PDE4DIP: variants seen among roughly 807,000 people sequenced by gnomAD.
PDE4DIP encodes myomegalin.
In PDE4DIP, 59 loss-of-function variants were observed where a neutral mutation model predicts 221.4. The observed-to-expected ratio is 0.27, with a 90% CI of 0.22 to 0.33. The LOEUF is 0.33. Among genes scored for constraint, PDE4DIP ranks in the 10% least tolerant of loss-of-function variants. PDE4DIP has a pLI of 1.00. For missense variants in PDE4DIP, 1,036 were observed against 2,154.2 expected, an observed-to-expected ratio of 0.48 and a Z score of 10.28; for synonymous variants, 404 against 815.9, an observed-to-expected ratio of 0.50 and a Z score of 8.60.
intron 19 of PDE4DIP, among the ~76,000 whole-genome samples, chr1:148,978,879 A>G (rs2060633349): frequency 1.3e-5 from 2 of 152,208 alleles, no homozygotes; most frequent in African/African-American, 2.4e-5. Flanking sequence ...GGTAGCAGCT[A>G]TAGATGCCCC....
chr1:148,981,178 C>T, intron 20 of PDE4DIP, 92 bp from the exon 24 acceptor site: 2 of 1,183,274 alleles, frequency 1.7e-6, no homozygotes, highest in South Asian at 2.5e-5. Context: ...TCGTGTGGCT[C>T]AAAGTGGTAT....
At chr1:149,022,562 T>C (rs1469554972) in intron 37 of PDE4DIP, among the ~76,000 whole-genome samples, 2 of 152,256 alleles carry the variant, frequency 1.3e-5, no homozygotes, top group African/African-American at 2.4e-5. Context: ...TAGAGGGGGC[T>C]CACCAGGCTG....
At chr1:148,919,916 T>C (rs879991323) in intron 1 of PDE4DIP, among the ~76,000 whole-genome samples, 16 of 145,664 alleles carry the variant, frequency 1.1e-4, no homozygotes, top group Non-Finnish European at 1.8e-4. Flanking sequence ...TGCTTCCTAC[T>C]ATCTTGCAAA....
At chr1:148,968,868 A>G (rs1553521313) in exon 14 of PDE4DIP, 1 of 1,613,370 alleles carries the variant, frequency 6.2e-7, no homozygotes, top group East Asian at 2.2e-5. Context: ...GCAAACTTGG[A>G]CCAGGGCAGA....
chr1:148,992,888 A>G (rs1182987493), intron 22 of PDE4DIP: 1 of 1,061,424 alleles, frequency 9.4e-7, no homozygotes, highest in Non-Finnish European at 1.1e-6. Context: ...TCTTCTGCAT[A>G]AGACAAAGAA....
chr1:148,954,306 A>G (rs3002694), intron 5 of PDE4DIP, among the ~76,000 whole-genome samples: 24 of 149,344 alleles, frequency 1.6e-4, no homozygotes, highest in African/African-American at 5.6e-4. Context: ...TTTCCTCCCA[A>G]TGGTTTTCTG....
exon 20 of PDE4DIP, chr1:148,979,746 A>G: frequency 6.2e-7 from 1 of 1,613,094 alleles, no homozygotes; most frequent in Non-Finnish European, 8.5e-7. Flanking sequence ...GTTGCTGCTG[A>G]TGCTAGAAGG....
At chr1:148,903,199 A>G (rs1306432089) in intron 1 of PDE4DIP, among the ~76,000 whole-genome samples, 1 of 133,722 alleles carries the variant, frequency 7.5e-6, no homozygotes, top group Non-Finnish European at 1.6e-5. Flanking sequence ...GGCCATCTGT[A>G]TATCTTCTTT....
chr1:149,009,511 G>A, intron 29 of PDE4DIP, 57 bp from the exon 33 acceptor site: 1 of 1,153,258 alleles, frequency 8.7e-7, no homozygotes, highest in Non-Finnish European at 1.3e-6. Flanking sequence ...GCCATAGTCA[G>A]GACAGGTTGG....
chr1:149,006,504 G>A (rs1259483533), intron 27 of PDE4DIP: 1 of 152,200 alleles, frequency 6.6e-6, no homozygotes, highest in African/African-American at 2.4e-5. Context: ...TCAGGTGGTG[G>A]TTAAAACAGA....
chr1:148,956,168 A>G (rs1313574514), intron 5 of PDE4DIP, among the ~76,000 whole-genome samples: 1 of 152,000 alleles, frequency 6.6e-6, no homozygotes, highest in Non-Finnish European at 1.5e-5. Flanking sequence ...TCTCTTTTTT[A>G]GTTTGTAGAA....
chr1:148,937,506 G>C, intron 4 of PDE4DIP, among the ~76,000 whole-genome samples: 1 of 152,086 alleles, frequency 6.6e-6, no homozygotes, highest in Non-Finnish European at 1.5e-5. Flanking sequence ...AAAGATCCAT[G>C]GATTAACTTC....
At chr1:148,983,799 T>G (rs1483702862) in intron 21 of PDE4DIP, 1 of 152,482 alleles carries the variant, frequency 6.6e-6, no homozygotes, top group Non-Finnish European at 1.5e-5. Flanking sequence ...GTAAAAATAG[T>G]CTTCAAATAA....
rs1558838812 is a variant in PDE4DIP, at chr1:148,929,182, C to T, written c.142-15C>T. On this transcript the variant is annotated splice_polypyrimidine_tract_variant and intron_variant, in intron 1 of 43. Coordinates refer to ENST00000369354, the Ensembl canonical transcript of PDE4DIP. ...TGTGGCAGTTAATAACGATTAATGC[C>T]TGTGTGTTTTTCAGAACATTGAGCT... is the stretch of plus-strand genomic sequence containing the variant. 1.9e-6 allele frequency: 3 copies of T among 1,613,226 alleles called. No individual in the cohort carries two copies. Among genetic ancestry groups the T allele is most frequent in the Non-Finnish European group, 1.7e-6 (2 of 1,179,556 alleles).
chr1:148,898,851 A>G (rs1252666709), intron 1 of PDE4DIP, among the ~76,000 whole-genome samples: 1 of 111,694 alleles, frequency 9.0e-6, no homozygotes, highest in Non-Finnish European at 1.7e-5. Flanking sequence ...TTTTACTTTG[A>G]GACAGAGTCT....
chr1:148,898,976 C>T lies in PDE4DIP; in HGVS notation c.141+9082C>T, dbSNP rs1179546504. ...CCTCCCAAGTAGCTGGGATTACAGG[C>T]GTGTGTCACCATGCCCGGCTAATTT... On this transcript the variant is annotated intron_variant, in intron 1 of 43. Coordinates refer to ENST00000369354, the Ensembl canonical transcript of PDE4DIP. Among the ~76,000 whole-genome samples the T allele has an allele frequency of 5.7e-5, 6 of 104,870 alleles. 1 individual carries two copies. Among genetic ancestry groups the T allele is most frequent in the Admixed American group, 4.1e-4 (4 of 9,802 alleles). The allele number at this position is 104,870 out of a possible 152,430, so 68.8% of individuals were successfully genotyped here. A position where few individuals can be genotyped will look rare whatever the true frequency, so the allele number is the denominator to read the frequency against.
chr1:148,948,385 G>A (rs1358199538), intron 5 of PDE4DIP, among the ~76,000 whole-genome samples: 4 of 151,128 alleles, frequency 2.6e-5, no homozygotes, highest in Non-Finnish European at 4.4e-5. Flanking sequence ...AAGGTGGGGC[G>A]CAGTGGAACC....
At chr1:148,949,170 T>C (rs1402662963) in intron 5 of PDE4DIP, among the ~76,000 whole-genome samples, 1 of 152,098 alleles carries the variant, frequency 6.6e-6, no homozygotes. Context: ...TTTCTTTTTA[T>C]ATATTTAAGT....
intron 1 of PDE4DIP, among the ~76,000 whole-genome samples, chr1:148,927,328 T>A (rs1355534819): frequency 1.3e-5 from 2 of 152,036 alleles, no homozygotes; most frequent in Admixed American, 1.3e-4. Context: ...GGAACAAACA[T>A]TCTTCTCAGT....
Sources: allele counts gnomAD v4.1 joint callset (sites outside exome capture counted in the v4.1 genomes callset), GRCh38; gene constraint gnomAD v4.1.1; transcripts MANE v1.5; gene names NCBI Gene and HGNC (gene_info 2026-07-23, HGNC 2026-07-21).